Variants in SGIP1 observed in about 807,000 individuals in gnomAD.
SGIP1 encodes the protein SH3GL interacting endocytic adaptor 1, also known as SH3-containing GRB2-like protein 3-interacting protein 1.
SGIP1 carries 38 observed loss-of-function variants against 107.5 expected under a neutral mutation model. The ratio of observed to expected loss-of-function variants is 0.35; its 90% confidence interval spans 0.27 to 0.46. The LOEUF (loss-of-function observed/expected upper bound fraction) is 0.46, where lower values mean the gene tolerates loss of function less well. Ranked by LOEUF, SGIP1 falls within the 20% of genes least tolerant of loss-of-function variation. The pLI is 1.00. For missense variants in SGIP1, 929 were observed against 1,019.5 expected, an observed-to-expected ratio of 0.91 and a Z score of 1.21; for synonymous variants, 365 against 366.1, an observed-to-expected ratio of 1.00 and a Z score of 0.03.
intron 15 of SGIP1, 65 bp from the exon 16 acceptor site, chr1:66,689,083 T>A: frequency 6.5e-7 from 1 of 1,529,122 alleles, no homozygotes; most frequent in Non-Finnish European, 8.8e-7. Flanking sequence ...ACTGGCATTA[T>A]ACTGTGATAA....
At chr1:66,639,971 G>A (rs2076471234) in intron 5 of SGIP1, 138 bp downstream of exon 5, 1 of 655,386 alleles carries the variant, frequency 1.5e-6, no homozygotes, top group African/African-American at 1.8e-5. Flanking sequence ...TTTAGGATGG[G>A]GCTAAGAACA....
intron 8 of SGIP1, among the ~76,000 whole-genome samples, chr1:66,661,787 C>T (rs74085017): frequency 0.014 from 1,815 of 127,904 alleles, 35 homozygotes; most frequent in African/African-American, 0.054. Flanking sequence ...TGAAGTTTGC[C>T]TATGGTGCTT....
At chr1:66,719,115 A>G (rs971644940) in intron 18 of SGIP1, among the ~76,000 whole-genome samples, 179 bp from the exon 19 acceptor site, 4 of 152,158 alleles carry the variant, frequency 2.6e-5, no homozygotes, top group Admixed American at 6.6e-5. Context: ...AACCAGCCAA[A>G]TATTTCCTTT....
At position 66,639,718 on chromosome 1, in the gene SGIP1, T is replaced by C. The variant is rs1328644862; in HGVS notation, c.172-59T>C. ...ATGCAGATAAGAGTTAAATGTTCTT[T>C]GTCCCTTTGTTTTTATTCAAATGTT... is the stretch of plus-strand genomic sequence containing the variant. On this transcript the variant is annotated intron_variant, in intron 4 of 24. Transcript: ENST00000371037. 5.2e-6 allele frequency: 7 copies of C among 1,351,914 alleles called. No individual in the cohort carries two copies. In the East Asian group the frequency reaches 1.6e-4, roughly 31 times the overall value. 83.7% of individuals were successfully genotyped at this position (1,351,914 alleles called of 1,614,324 possible).
intron 1 of SGIP1, among the ~76,000 whole-genome samples, chr1:66,601,243 T>C (rs1367110035): frequency 6.6e-6 from 1 of 152,078 alleles, no homozygotes; most frequent in Admixed American, 6.5e-5. Flanking sequence ...CGGGCGCCTG[T>C]AGTCCCAGCT....
intron 18 of SGIP1, among the ~76,000 whole-genome samples, chr1:66,711,271 C>T (rs566848225): frequency 1.1e-3 from 168 of 152,172 alleles, no homozygotes; most frequent in African/African-American, 3.8e-3. Flanking sequence ...ATAGAACATC[C>T]TATATCATCA....
At chr1:66,599,582 T>C (rs1218586715) in intron 1 of SGIP1, among the ~76,000 whole-genome samples, 3 of 152,216 alleles carry the variant, frequency 2.0e-5, no homozygotes, top group Non-Finnish European at 4.4e-5. Flanking sequence ...AGTCTGAATG[T>C]ACAGTATGAA....
At chr1:66,545,235 A>G (rs1157246981) in intron 1 of SGIP1, among the ~76,000 whole-genome samples, 2 of 152,210 alleles carry the variant, frequency 1.3e-5, no homozygotes, top group Admixed American at 1.3e-4. Flanking sequence ...TTTCACACAC[A>G]GGCTGCCTTC....
At chr1:66,643,514 A>C (rs965849347) in intron 6 of SGIP1, 30 bp from the exon 7 acceptor site, 2 of 1,574,398 alleles carry the variant, frequency 1.3e-6, no homozygotes, top group Non-Finnish European at 1.7e-6. Context: ...CAGTAGAAGA[A>C]AGAGTTATGT....
At chr1:66,599,239 T>C (rs1323322428) in intron 1 of SGIP1, among the ~76,000 whole-genome samples, 2 of 152,200 alleles carry the variant, frequency 1.3e-5, no homozygotes, top group Non-Finnish European at 2.9e-5. Context: ...AAACATCAAA[T>C]GAATTTGGGA....
Position 66,746,643 on chromosome 1 carries a change from T to A in SGIP1, c.*3548T>A, listed in dbSNP as rs949336774. 6.6e-6 allele frequency: 1 copy of A among 152,134 alleles called. No individual in the cohort carries two copies. The highest frequency in any genetic ancestry group is 1.5e-5 in the Non-Finnish European group (1 of 67,964). The allele number at this position is 152,134 out of a possible 1,614,324, so 9.4% of individuals were successfully genotyped here. On this transcript the variant is annotated 3_prime_UTR_variant, in exon 25 of 25. Transcript: ENST00000371037. Reference sequence around the variant, plus strand: ...AAAAAATTGTAAGTACTCTTTTTAATTCCTGTTTTACAAGTGATGACACTG... The same window carrying A: ...AAAAAATTGTAAGTACTCTTTTTAAATCCTGTTTTACAAGTGATGACACTG...
intron 7 of SGIP1, among the ~76,000 whole-genome samples, chr1:66,650,412 A>C (rs931753941): frequency 1.4e-4 from 21 of 152,202 alleles, no homozygotes; most frequent in Non-Finnish European, 2.8e-4. Flanking sequence ...TCCATGTAGC[A>C]GGCACTGAGA....
intron 13 of SGIP1, 32 bp from the exon 14 acceptor site, chr1:66,679,646 C>A (rs1376428708): frequency 1.3e-6 from 2 of 1,595,042 alleles, no homozygotes; most frequent in Non-Finnish European, 1.7e-6. Flanking sequence ...AAGCACATGA[C>A]CAATGATACT....
At chr1:66,596,253 T>C (rs1040360409) in intron 1 of SGIP1, among the ~76,000 whole-genome samples, 2 of 152,194 alleles carry the variant, frequency 1.3e-5, no homozygotes, top group Admixed American at 6.5e-5. Context: ...ATGTTGGACA[T>C]TGAAGTATAA....
At chr1:66,566,934 T>C (rs2059734526) in intron 1 of SGIP1, among the ~76,000 whole-genome samples, 1 of 152,162 alleles carries the variant, frequency 6.6e-6, no homozygotes, top group East Asian at 1.9e-4. Context: ...ATCATTCAAC[T>C]TTCACTTATG....
intron 21 of SGIP1, among the ~76,000 whole-genome samples, chr1:66,735,194 GTTATTTTAT>G (rs748087364): frequency 2.6e-5 from 4 of 151,114 alleles, no homozygotes; most frequent in Non-Finnish European, 4.4e-5. Context: ...TTATTTTTAT[GTTATTTTAT>G]TTTATTTTAT....
intron 1 of SGIP1, among the ~76,000 whole-genome samples, chr1:66,587,214 G>A (rs945537056): frequency 6.6e-6 from 1 of 151,960 alleles, no homozygotes; most frequent in Admixed American, 6.6e-5. Flanking sequence ...TCTTGAATCT[G>A]TGAGTTTGTG....
At chr1:66,667,651 G>A (rs1477422441) in intron 9 of SGIP1, 110 bp downstream of exon 9, 2 of 942,162 alleles carry the variant, frequency 2.1e-6, no homozygotes, top group Non-Finnish European at 3.5e-6. Context: ...GTGTGAATGA[G>A]GCAGATGAAA....
intron 2 of SGIP1, among the ~76,000 whole-genome samples, chr1:66,626,599 C>A (rs2072856446): frequency 6.6e-6 from 1 of 152,208 alleles, no homozygotes; most frequent in Admixed American, 6.5e-5. Flanking sequence ...ATCTTGAATT[C>A]TCCTGCAGAA....
Sources: allele counts gnomAD v4.1 joint callset (sites outside exome capture counted in the v4.1 genomes callset), GRCh38; gene constraint gnomAD v4.1.1; transcripts MANE v1.5; gene names NCBI Gene and HGNC (gene_info 2026-07-23, HGNC 2026-07-21).